Variants in RYR2 observed in about 807,000 individuals in gnomAD.
The protein encoded by RYR2 is ryanodine receptor 2, also known as cardiac muscle ryanodine receptor-calcium release channel.
A neutral mutation model predicts 601.1 loss-of-function variants in RYR2; 227 were observed. That is an observed-to-expected ratio of 0.38 (90% CI 0.34 to 0.42). The LOEUF (loss-of-function observed/expected upper bound fraction) is 0.42. RYR2 is among the 10% of genes least tolerant of loss of function. The pLI, the probability that RYR2 is intolerant of heterozygous loss-of-function variation, is 1.00. For synonymous variants in RYR2, 2,223 were observed against 2,175.1 expected (o/e 1.02, Z -0.61); for missense variants, 4,646 against 6,156.5 (o/e 0.75, Z 8.21).
chr1:237,086,178 T>G (rs1336626872), intron 1 of RYR2, among the ~76,000 whole-genome samples: 1 of 152,238 alleles, frequency 6.6e-6, no homozygotes, highest in East Asian at 1.9e-4. Context: ...CTCATAATTC[T>G]GGAAGCTGGA....
chr1:237,600,005 T>C lies in RYR2; in HGVS notation c.4597-2020T>C, dbSNP rs1009118775. On this transcript the variant is annotated intron_variant, in intron 34 of 104. Transcript: ENST00000366574. ...ATTAAAATGTCCATAGTACAAAAAG[T>C]AATTACAGATTCAGTGAAGTCCCTA... Among the ~76,000 whole-genome samples, 35 of 152,086 alleles carry C rather than the reference T, an allele frequency of 2.3e-4. 3 individuals carry two copies. The highest frequency in any genetic ancestry group is 1.9e-3 in the Admixed American group (29 of 15,272).
chr1:237,361,976 A>T (rs1699818275), intron 4 of RYR2, among the ~76,000 whole-genome samples: 1 of 152,148 alleles, frequency 6.6e-6, no homozygotes, highest in African/African-American at 2.4e-5. Context: ...ATGCTTACAG[A>T]CGAAAGATGA....
chr1:237,600,403 GA>G (rs1676374870), intron 34 of RYR2, among the ~76,000 whole-genome samples: 1 of 152,142 alleles, frequency 6.6e-6, no homozygotes, highest in South Asian at 2.1e-4. Context: ...TCCACATGCA[GA>G]AGAATGAAAT....
chr1:237,088,810 G>A (rs1235537336), intron 1 of RYR2, among the ~76,000 whole-genome samples: 1 of 152,192 alleles, frequency 6.6e-6, no homozygotes. Context: ...AAGTTGTCAT[G>A]TGAAGGATAC....
chr1:237,370,851 A>C (rs943081683), intron 6 of RYR2, among the ~76,000 whole-genome samples: 1 of 151,934 alleles, frequency 6.6e-6, no homozygotes, highest in Non-Finnish European at 1.5e-5. Context: ...TAATAGAGAC[A>C]GGGTTTCACC....
chr1:237,422,454 T>A (rs531122174), intron 11 of RYR2, among the ~76,000 whole-genome samples: 71 of 152,284 alleles, frequency 4.7e-4, no homozygotes, highest in African/African-American at 1.7e-3. Flanking sequence ...GTTTATTACA[T>A]TTTTTCCTGA....
intron 101 of RYR2, among the ~76,000 whole-genome samples, chr1:237,826,136 A>G (rs929676588): frequency 6.6e-6 from 1 of 152,174 alleles, no homozygotes; most frequent in African/African-American, 2.4e-5. Context: ...AACTAGAAAT[A>G]CCATTTGACC....
chr1:237,468,200 C>T (rs1660299746), intron 16 of RYR2, among the ~76,000 whole-genome samples: 2 of 152,138 alleles, frequency 1.3e-5, no homozygotes, highest in Admixed American at 6.5e-5. Context: ...AGACATCTTT[C>T]TCTCTTTAAA....
rs145802126 is a variant in RYR2, at chr1:237,155,994, G to A, written c.48+113425G>A. 3.3e-3 allele frequency among the ~76,000 whole-genome samples: 500 copies of A among 152,282 alleles called. 1 individual carries two copies. The highest frequency in any genetic ancestry group is 0.011 in the African/African-American group (467 of 41,554). Reference sequence around the variant, plus strand: ...CCTCTTAATCCTGGGCATTTACCCTGCTGTTCCCTCTGCTGAACCTCACAC... The same window carrying A: ...CCTCTTAATCCTGGGCATTTACCCTACTGTTCCCTCTGCTGAACCTCACAC... On this transcript the variant is annotated intron_variant, in intron 1 of 104. Transcript: ENST00000366574.
intron 102 of RYR2, 163 bp from the exon 103 acceptor site, chr1:237,830,354 AGATATAGTTACAG>A: frequency 2.0e-6 from 1 of 505,096 alleles, no homozygotes; most frequent in Non-Finnish European, 3.6e-6. Context: ...GCCAACACCA[AGATATAGTTACAG>A]CGACAGTTCC....
At chr1:237,671,952 A>G (rs758197608) in intron 58 of RYR2, among the ~76,000 whole-genome samples, 42 of 152,224 alleles carry the variant, frequency 2.8e-4, no homozygotes, top group Middle Eastern at 3.4e-3. Context: ...TTTAGTATGA[A>G]TGGGTTCATG....
chr1:237,769,285 A>G (rs1039437428), intron 84 of RYR2, among the ~76,000 whole-genome samples: 5 of 152,214 alleles, frequency 3.3e-5, no homozygotes, highest in Admixed American at 1.3e-4. Context: ...AGTATCACCA[A>G]TGAAGAGTTT....
chr1:237,183,386 A>G (rs1427553955), intron 1 of RYR2, among the ~76,000 whole-genome samples: 1 of 152,204 alleles, frequency 6.6e-6, no homozygotes, highest in Non-Finnish European at 1.5e-5. Context: ...CTTTCAGTGT[A>G]TAAAGAAGGC....
intron 2 of RYR2, among the ~76,000 whole-genome samples, chr1:237,287,389 T>A (rs1385718866): frequency 2.0e-5 from 3 of 152,220 alleles, no homozygotes; most frequent in Non-Finnish European, 4.4e-5. Flanking sequence ...CCTCAATTAT[T>A]CCCCAAATAT....
chr1:237,451,119 C>T (rs1658050954), intron 14 of RYR2, among the ~76,000 whole-genome samples: 2 of 152,066 alleles, frequency 1.3e-5, no homozygotes, highest in Non-Finnish European at 2.9e-5. Flanking sequence ...TTAGGCTGGG[C>T]ACGGTAGTGA....
At chr1:237,344,585 A>T (rs1311428904) in intron 3 of RYR2, among the ~76,000 whole-genome samples, 1 of 152,130 alleles carries the variant, frequency 6.6e-6, no homozygotes, top group Non-Finnish European at 1.5e-5. Context: ...TTCCTTAAAC[A>T]CTTTCATGAA....
In RYR2 at chr1:237,785,992, A is replaced by C. The variant is rs370131928; in HGVS notation, c.13284A>C (p.Glu4428Asp). ...KFQEQKAKEE[E>D]KEEKEETKSE... ...AGGAACAGAAGGCAAAAGAAGAAGAAAAGGAAGAAAAAGAAGAAACCAAAT... is the reference window on the plus strand; with the variant it reads ...AGGAACAGAAGGCAAAAGAAGAAGACAAGGAAGAAAAAGAAGAAACCAAAT... The change falls in exon 91 of 105, where the codon GAA (glutamate) becomes GAC (aspartate). Residue 4428 changes from glutamate (E) to aspartate (D), a missense_variant. Physicochemically the swap from Glu to Asp is conservative, Grantham distance 45. Around this residue, in one of 17 missense-constraint regions of RYR2, gnomAD observed 364 missense variants for 442.9 expected, o/e 0.82. Coordinates refer to ENST00000366574, the MANE Select transcript of RYR2 (RefSeq NM_001035.3). 6.3e-7 allele frequency: 1 copy of C among 1,592,088 alleles called. No homozygotes were observed. Among genetic ancestry groups the C allele is most frequent in the Non-Finnish European group, 8.6e-7 (1 of 1,168,012 alleles).
intron 58 of RYR2, among the ~76,000 whole-genome samples, chr1:237,672,766 T>TC (rs1685067523): frequency 1.3e-5 from 2 of 152,236 alleles, no homozygotes; most frequent in African/African-American, 4.8e-5. Context: ...CCTCTGCTGT[T>TC]CACAAGTGTT....
intron 54 of RYR2, among the ~76,000 whole-genome samples, chr1:237,658,456 A>T (rs1173991140): frequency 6.6e-6 from 1 of 151,964 alleles, no homozygotes; most frequent in Non-Finnish European, 1.5e-5. Flanking sequence ...CAGTGGTGTG[A>T]TCATACCTCA....
Sources: gnomAD v4.1 joint callset for allele counts (sites outside exome capture counted in the v4.1 genomes callset) on GRCh38, gnomAD v4.1.1 for gene constraint, gnomAD v4.1.1 regional missense constraint, MANE v1.5 for transcripts, NCBI Gene and HGNC (gene_info 2026-07-23, HGNC 2026-07-21) for gene names.